Variants in ST6GALNAC3 observed in about 807,000 individuals in gnomAD.
The protein encoded by ST6GALNAC3 is ST6 N-acetylgalactosaminide alpha-2,6-sialyltransferase 3.
Under a neutral mutation model 32.7 loss-of-function variants are expected in ST6GALNAC3, and 25 were observed. That is an observed-to-expected ratio of 0.76 (90% CI 0.56 to 1.07). ST6GALNAC3 has a LOEUF of 1.07. Among genes scored for constraint, ST6GALNAC3 ranks in the 50% least tolerant of loss-of-function variants. The pLI, the probability that ST6GALNAC3 is intolerant of heterozygous loss-of-function variation, is 0.00. For missense variants in ST6GALNAC3, 355 were observed against 382.4 expected (o/e 0.93, Z 0.60); for synonymous variants, 129 against 133.1 (o/e 0.97, Z 0.21).
At chr1:76,300,279 A>ATATAAATGCATATGCTTTATATTG (rs1443284883) in intron 1 of ST6GALNAC3, among the ~76,000 whole-genome samples, 1 of 151,990 alleles carries the variant, frequency 6.6e-6, no homozygotes, top group East Asian at 1.9e-4. Context: ...AGTGGCTCCA[A>ATATAAATGCATATGCTTTATATTG]TTTTCAAGTG....
chr1:76,116,788 C>T (rs768748233), intron 1 of ST6GALNAC3, among the ~76,000 whole-genome samples: 31 of 152,152 alleles, frequency 2.0e-4, no homozygotes, highest in Admixed American at 3.3e-4. Context: ...AAAAATTAGC[C>T]GGGCCTGGTG....
chr1:76,251,737 T>C (rs1233464144), intron 1 of ST6GALNAC3, among the ~76,000 whole-genome samples: 1 of 152,124 alleles, frequency 6.6e-6, no homozygotes, highest in Non-Finnish European at 1.5e-5. Context: ...TCCCTTACTC[T>C]TGTCTCCTCT....
At chr1:76,543,089 T>G (rs1380337761) in intron 3 of ST6GALNAC3, among the ~76,000 whole-genome samples, 1 of 152,224 alleles carries the variant, frequency 6.6e-6, no homozygotes, top group Non-Finnish European at 1.5e-5. Context: ...ATTTCAAAAT[T>G]TCTTTTAATT....
intron 3 of ST6GALNAC3, among the ~76,000 whole-genome samples, chr1:76,594,924 A>G (rs1647110262): frequency 6.6e-6 from 1 of 152,152 alleles, no homozygotes; most frequent in South Asian, 2.1e-4. Context: ...TGTTTTCCCT[A>G]TTATTAGCAT....
At chr1:76,427,872 A>G (rs1210958656) in intron 3 of ST6GALNAC3, among the ~76,000 whole-genome samples, 2 of 152,146 alleles carry the variant, frequency 1.3e-5, no homozygotes, top group Non-Finnish European at 2.9e-5. Context: ...CCTTAGTTGC[A>G]TAGTAAGTAA....
chr1:76,347,955 A>G (rs747705311), intron 2 of ST6GALNAC3, among the ~76,000 whole-genome samples: 10 of 152,212 alleles, frequency 6.6e-5, no homozygotes, highest in Admixed American at 3.9e-4. Context: ...TCATTTTGGA[A>G]CTTAATAAAG....
At chr1:76,251,594 C>G (rs1245349027) in intron 1 of ST6GALNAC3, among the ~76,000 whole-genome samples, 1 of 152,136 alleles carries the variant, frequency 6.6e-6, no homozygotes, top group African/African-American at 2.4e-5. Context: ...TTGGTAAACT[C>G]TTAGTCATTC....
At chr1:76,420,200 C>T (rs773816400) in intron 3 of ST6GALNAC3, among the ~76,000 whole-genome samples, 3 of 152,060 alleles carry the variant, frequency 2.0e-5, no homozygotes, top group Non-Finnish European at 4.4e-5. Flanking sequence ...TAACAAGTTT[C>T]CAGGCCCGGC....
intron 1 of ST6GALNAC3, among the ~76,000 whole-genome samples, chr1:76,262,126 T>C (rs1658273340): frequency 6.6e-6 from 1 of 152,240 alleles, no homozygotes; most frequent in African/African-American, 2.4e-5. Context: ...GTACCATTTA[T>C]TGAGCACTTA....
intron 3 of ST6GALNAC3, among the ~76,000 whole-genome samples, chr1:76,424,474 T>C (rs1655239862): frequency 6.6e-6 from 1 of 151,940 alleles, no homozygotes; most frequent in Non-Finnish European, 1.5e-5. Context: ...TCAATAAATA[T>C]TAAATAATAA....
At chr1:76,566,549 TG>T (rs1394896090) in intron 3 of ST6GALNAC3, among the ~76,000 whole-genome samples, 2 of 152,044 alleles carry the variant, frequency 1.3e-5, no homozygotes, top group African/African-American at 2.4e-5. Flanking sequence ...AACACAGCCC[TG>T]CCCCCAAGAC....
chr1:76,161,401 G>A (rs988294228), intron 1 of ST6GALNAC3, among the ~76,000 whole-genome samples: 6 of 152,182 alleles, frequency 3.9e-5, no homozygotes, highest in Admixed American at 1.3e-4. Flanking sequence ...GGCAGAGAGC[G>A]GCAGCACCTA....
Position 76,455,240 on chromosome 1 carries a change from CA to C in ST6GALNAC3, c.623+42824del, listed in dbSNP as rs549839491. On this transcript the variant is annotated intron_variant, in intron 3 of 4. Transcript: ENST00000328299. ...CTGTTTTCTGCATATATTATGCATG[CA>C]TTTTTTTTCTATTTCCTTGTTTTCT... 1.4e-3 allele frequency among the ~76,000 whole-genome samples: 207 copies of C among 152,094 alleles called. 1 individual carries two copies. Among genetic ancestry groups the C allele is most frequent in the South Asian group, 0.012 (56 of 4,820 alleles).
At chr1:76,141,752 C>T (rs1158197255) in intron 1 of ST6GALNAC3, among the ~76,000 whole-genome samples, 9 of 152,146 alleles carry the variant, frequency 5.9e-5, no homozygotes, top group Non-Finnish European at 1.2e-4. Context: ...ATGGATCTAG[C>T]ATCTTCATTA....
At chr1:76,250,730 A>G (rs956033961) in intron 1 of ST6GALNAC3, among the ~76,000 whole-genome samples, 1 of 152,220 alleles carries the variant, frequency 6.6e-6, no homozygotes, top group African/African-American at 2.4e-5. Flanking sequence ...GCTATGAAGC[A>G]TACAAGTGAG....
intron 3 of ST6GALNAC3, among the ~76,000 whole-genome samples, chr1:76,537,712 A>G (rs910495395): frequency 3.3e-5 from 5 of 152,204 alleles, no homozygotes; most frequent in Non-Finnish European, 5.9e-5. Flanking sequence ...CAGAAATGCA[A>G]ACTACCATCA....
intron 3 of ST6GALNAC3, among the ~76,000 whole-genome samples, chr1:76,483,081 T>C (rs1222377528): frequency 6.6e-6 from 1 of 152,168 alleles, no homozygotes; most frequent in Admixed American, 6.5e-5. Context: ...TGCATATTGT[T>C]CCATGGTGTA....
At chr1:76,423,823 A>T (rs1348442758) in intron 3 of ST6GALNAC3, among the ~76,000 whole-genome samples, 3 of 151,898 alleles carry the variant, frequency 2.0e-5, no homozygotes, top group Non-Finnish European at 2.9e-5. Context: ...ACTTTTGTTG[A>T]TTGGAGGGTA....
At chr1:76,082,065 C>G (rs17660531) in intron 1 of ST6GALNAC3, among the ~76,000 whole-genome samples, 1 of 152,148 alleles carries the variant, frequency 6.6e-6, no homozygotes, top group Non-Finnish European at 1.5e-5. Flanking sequence ...CTGAGGAAAA[C>G]AGGGAAGCCT....
Sources: allele counts gnomAD v4.1 joint callset (sites outside exome capture counted in the v4.1 genomes callset), GRCh38; gene constraint gnomAD v4.1.1; transcripts MANE v1.5; gene names NCBI Gene and HGNC (gene_info 2026-07-23, HGNC 2026-07-21).